ZNF438: variants seen among roughly 807,000 people sequenced by gnomAD.
The protein encoded by ZNF438 is zinc finger protein 438.
Under a neutral mutation model 38.0 loss-of-function variants are expected in ZNF438, and 25 were observed. That is an observed-to-expected ratio of 0.66 (90% CI 0.48 to 0.92). The LOEUF is 0.92. ZNF438 is among the 40% of genes least tolerant of loss of function. ZNF438 has a pLI of 0.00. For missense variants in ZNF438, 1,007 were observed against 999.6 expected, an observed-to-expected ratio of 1.01 and a Z score of -0.10; for synonymous variants, 372 against 364.1, an observed-to-expected ratio of 1.02 and a Z score of -0.25.
intron 3 of ZNF438, among the ~76,000 whole-genome samples, chr10:30,895,092 A>AT (rs982737825): frequency 1.3e-4 from 20 of 152,134 alleles, no homozygotes; most frequent in African/African-American, 4.1e-4. Context: ...CTAGAGGACC[A>AT]TTTTTTTCTT....
chr10:30,934,713 A>C (rs2046055401), intron 2 of ZNF438, among the ~76,000 whole-genome samples: 1 of 152,256 alleles, frequency 6.6e-6, no homozygotes, highest in South Asian at 2.1e-4. Context: ...ACTCTAATCC[A>C]ATAAGCCATA....
At chr10:30,901,626 G>T (rs561676053) in intron 3 of ZNF438, among the ~76,000 whole-genome samples, 6 of 152,136 alleles carry the variant, frequency 3.9e-5, no homozygotes, top group Non-Finnish European at 8.8e-5. Context: ...CTTGGCGATA[G>T]GCAATTGTCT....
chr10:30,945,071 T>C (rs374383109), intron 1 of ZNF438, among the ~76,000 whole-genome samples: 47 of 152,118 alleles, frequency 3.1e-4, no homozygotes, highest in Admixed American at 9.8e-4. Context: ...ACTGATATTC[T>C]GCCTACTTGT....
intron 3 of ZNF438, among the ~76,000 whole-genome samples, chr10:30,895,588 G>A (rs948501499): frequency 6.6e-6 from 1 of 152,052 alleles, no homozygotes; most frequent in African/African-American, 2.4e-5. Context: ...TAGAATGAAA[G>A]AAAATATTTG....
At chr10:30,846,814 C>A (rs534816788) in intron 5 of ZNF438, among the ~76,000 whole-genome samples, 6 of 152,186 alleles carry the variant, frequency 3.9e-5, no homozygotes, top group Non-Finnish European at 5.9e-5. Flanking sequence ...TTTCCCCCCA[C>A]GGGCTCAAGA....
chr10:30,866,058 C>T (rs1335716228), intron 4 of ZNF438, among the ~76,000 whole-genome samples: 1 of 152,196 alleles, frequency 6.6e-6, no homozygotes, highest in Non-Finnish European at 1.5e-5. Flanking sequence ...ACTGTTCAAG[C>T]AGTCATATTC....
At chr10:31,025,959 T>G (rs2056909544) in intron 1 of ZNF438, among the ~76,000 whole-genome samples, 1 of 152,024 alleles carries the variant, frequency 6.6e-6, no homozygotes, top group Non-Finnish European at 1.5e-5. Flanking sequence ...TTGCAAGAAG[T>G]AGAATTTTGA....
chr10:30,865,290 G>A (rs1041771194), intron 4 of ZNF438, among the ~76,000 whole-genome samples: 9 of 152,164 alleles, frequency 5.9e-5, no homozygotes, highest in Non-Finnish European at 8.8e-5. Flanking sequence ...ATAGCAATGC[G>A]CAATACCCTA....
At chr10:30,863,938 C>T (rs1332895336) in intron 4 of ZNF438, among the ~76,000 whole-genome samples, 5 of 152,164 alleles carry the variant, frequency 3.3e-5, no homozygotes, top group Admixed American at 3.3e-4. Context: ...AGTTCAAAAC[C>T]GATTCCACAG....
At chr10:30,905,906 C>G (rs2042534938) in intron 3 of ZNF438, among the ~76,000 whole-genome samples, 1 of 152,154 alleles carries the variant, frequency 6.6e-6, no homozygotes, top group South Asian at 2.1e-4. Context: ...ACCCTTAATT[C>G]TATTCCATTG....
intron 2 of ZNF438, among the ~76,000 whole-genome samples, chr10:30,924,979 T>C (rs577600474): frequency 6.6e-6 from 1 of 152,232 alleles, no homozygotes; most frequent in Non-Finnish European, 1.5e-5. Context: ...TTTTTAAATT[T>C]TCTGTTTTGT....
chr10:30,866,844 A>C (rs892884366), intron 4 of ZNF438, among the ~76,000 whole-genome samples: 1 of 142,474 alleles, frequency 7.0e-6, no homozygotes, highest in African/African-American at 2.6e-5. Context: ...AAAAAAAAAA[A>C]ACCAAAAACG....
chr10:30,879,949 AAC>A (rs2038986309), intron 3 of ZNF438, among the ~76,000 whole-genome samples: 1 of 152,196 alleles, frequency 6.6e-6, no homozygotes, highest in Non-Finnish European at 1.5e-5. Flanking sequence ...TGAAGCTGTG[AAC>A]ACACAGATCC....
chr10:31,015,240 T>C (rs920756363), intron 1 of ZNF438, among the ~76,000 whole-genome samples: 3 of 152,200 alleles, frequency 2.0e-5, no homozygotes, highest in African/African-American at 7.2e-5. Flanking sequence ...GCCATTGTTA[T>C]TACTATTATT....
At chr10:30,910,274 A>C (rs1216058354) in intron 2 of ZNF438, 1 of 152,282 alleles carries the variant, frequency 6.6e-6, no homozygotes, top group African/African-American at 2.4e-5. Context: ...ACCCTGGGAA[A>C]GATGGAGAAC....
intron 1 of ZNF438, among the ~76,000 whole-genome samples, chr10:30,954,588 T>C (rs1392405551): frequency 5.9e-5 from 9 of 152,302 alleles, no homozygotes; most frequent in East Asian, 1.9e-4. Flanking sequence ...ATCTTGATGA[T>C]GTGCACTTTG....
chr10:30,845,070 TGGA>T (rs1374085086), exon 6 of ZNF438: 2 of 1,614,176 alleles, frequency 1.2e-6, no homozygotes, highest in Non-Finnish European at 1.7e-6. Flanking sequence ...CTTCCAGTGG[TGGA>T]GGAGGTCCTC....
chr10:31,026,245 T>C (rs1274671383), intron 1 of ZNF438, among the ~76,000 whole-genome samples: 1 of 152,166 alleles, frequency 6.6e-6, no homozygotes, highest in African/African-American at 2.4e-5. Flanking sequence ...AAATGGGATC[T>C]AATTAAACTA....
chr10:30,976,219 A>C (rs2051327946), intron 1 of ZNF438, among the ~76,000 whole-genome samples: 1 of 152,246 alleles, frequency 6.6e-6, no homozygotes, highest in Non-Finnish European at 1.5e-5. Context: ...AAGATCAATA[A>C]AACCAATCAG....
Sources: allele counts gnomAD v4.1 joint callset (sites outside exome capture counted in the v4.1 genomes callset), GRCh38; gene constraint gnomAD v4.1.1; transcripts MANE v1.5; gene names NCBI Gene and HGNC (gene_info 2026-07-23, HGNC 2026-07-21).